FPGS: variants seen among roughly 807,000 people sequenced by gnomAD.
FPGS encodes folylpolyglutamate synthase, mitochondrial.
In FPGS, 53 loss-of-function variants were observed where a neutral mutation model predicts 66.5. That is an observed-to-expected ratio of 0.80 (90% CI 0.64 to 1.00). The LOEUF (loss-of-function observed/expected upper bound fraction) is 1.00. FPGS is among the 50% of genes least tolerant of loss of function. The probability of loss-of-function intolerance (pLI) is 0.00; values close to 1 mark genes in which losing one functional copy is unlikely to be tolerated. For missense variants in FPGS, 702 were observed against 807.7 expected (o/e 0.87, Z 1.59); for synonymous variants, 348 against 350.9 (o/e 0.99, Z 0.09).
At chr9:127,814,241 C>G, downstream of FPGS, 1 of 774,032 alleles carries the variant, frequency 1.3e-6, no homozygotes, top group African/African-American at 1.9e-5. Flanking sequence ...GAAGACCAGA[C>G]TGAAGCCTGT....
Position 127,807,872 on chromosome 9 carries a change from G to A in FPGS, c.744+184G>A, listed in dbSNP as rs1442559448. The stretch of plus-strand genomic sequence containing the variant: ...TGCAATCCCAGCATTTCAGGAGGTC[G>A]AGGTGAGAGGATCACCTGAGATCCG... On this transcript the variant is annotated intron_variant, in intron 8 of 14. Coordinates refer to ENST00000373247, the MANE Select transcript of FPGS (RefSeq NM_004957.6). This position sits in a 1 kb window ranked among gnomAD's most constrained non-coding sequence, Gnocchi z 5.8. 16 of 579,252 alleles carry A rather than the reference G, an allele frequency of 2.8e-5. No homozygotes were observed. Among genetic ancestry groups the A allele is most frequent in the Non-Finnish European group, 4.2e-5 (14 of 330,226 alleles). The allele number at this position is 579,252 out of a possible 1,614,324, so 35.9% of individuals were successfully genotyped here. A position where few individuals can be genotyped will look rare whatever the true frequency, so the allele number is the denominator to read the frequency against.
At chr9:127,808,389 G>A (rs921813967) in intron 9 of FPGS, 78 bp downstream of exon 9, 15 of 1,477,908 alleles carry the variant, frequency 1.0e-5, no homozygotes, top group Non-Finnish European at 1.4e-5. Flanking sequence ...ATCCTCTGGG[G>A]CCTCAGTTTG....
chr9:127,813,257 C>T lies in FPGS; in HGVS notation c.1417C>T (p.His473Tyr). 1 of 1,612,084 alleles carries T rather than the reference C, an allele frequency of 6.2e-7. No homozygotes were observed. Among genetic ancestry groups the T allele is most frequent in the East Asian group, 2.2e-5 (1 of 44,858 alleles). Residue 473 changes from histidine (H) to tyrosine (Y), a missense_variant, in exon 15 of 15, where the codon CAC becomes TAC. Physicochemically the swap from His to Tyr is moderately conservative, Grantham distance 83. Transcript: ENST00000373247. Reference protein sequence around the residue: ...VLLRCLEHQQHWNHLDEEQAS... With the variant: ...VLLRCLEHQQYWNHLDEEQAS... ...GCTCCGCTGCCTGGAACACCAGCAG[C>T]ACTGGAACCACCTGGACGAAGAGCA...
At position 127,808,717 on chromosome 9, in the gene FPGS, G is replaced by A; in HGVS notation, c.970+12G>A. Reference sequence around the variant, plus strand: ...GCAGGACCGCCATGGTGAGTGGGCAGCTGAGTGGGCAGGCAGGTGGGTGGC... The same window carrying A: ...GCAGGACCGCCATGGTGAGTGGGCAACTGAGTGGGCAGGCAGGTGGGTGGC... On this transcript the variant is annotated intron_variant, in intron 10 of 14. Coordinates refer to ENST00000373247, the MANE Select transcript of FPGS (RefSeq NM_004957.6). 6.3e-7 allele frequency: 1 copy of A among 1,575,776 alleles called. No individual in the cohort carries two copies. The highest frequency in any genetic ancestry group is 8.6e-7 in the Non-Finnish European group (1 of 1,160,702).
At chr9:127,803,218 G>C in intron 1 of FPGS, 156 bp downstream of exon 1, 2 of 1,230,460 alleles carry the variant, frequency 1.6e-6, no homozygotes, top group Non-Finnish European at 1.0e-6. Flanking sequence ...TGGGGGTGGG[G>C]ACAGGGACCA....
chr9:127,807,993 C>T lies in FPGS; in HGVS notation c.745-241C>T. On this transcript the variant is annotated intron_variant, in intron 8 of 14. Coordinates refer to ENST00000373247, the MANE Select transcript of FPGS (RefSeq NM_004957.6). The surrounding 1 kb of genome is among the most constrained non-coding windows in gnomAD (Gnocchi z 5.8). ...TGGTGGTGTACGCCTGTAGTTCCAG[C>T]TACTTGGGAGACTGAGGCAGGAGAA... The T allele has an allele frequency of 1.7e-6, 1 of 575,604 alleles. No individual in the cohort carries two copies. The highest frequency in any genetic ancestry group is 2.9e-5 in the East Asian group (1 of 34,544). The allele number at this position is 575,604 out of a possible 1,614,324, so 35.7% of individuals were successfully genotyped here. A position where few individuals can be genotyped will look rare whatever the true frequency, so the allele number is the denominator to read the frequency against.
chr9:127,813,820 C>T lies in FPGS; in HGVS notation c.*216C>T. 7.9e-7 allele frequency: 1 copy of T among 1,264,110 alleles called. No homozygotes were observed. Among genetic ancestry groups the T allele is most frequent in the Non-Finnish European group, 9.9e-7 (1 of 1,008,884 alleles). The allele number at this position is 1,264,110 out of a possible 1,614,324, so 78.3% of individuals were successfully genotyped here. On this transcript the variant is annotated 3_prime_UTR_variant, in exon 15 of 15. Coordinates refer to ENST00000373247, the MANE Select transcript of FPGS (RefSeq NM_004957.6). ...CTTGGCTGAGATAGCAGAGGGGCTC[C>T]CCGGGTCTCTCACTGTTGCAGTGGC...
Position 127,802,884 on chromosome 9 carries a change from C to T in FPGS, c.-41C>T, listed in dbSNP as rs1588547207. On this transcript the variant is annotated 5_prime_UTR_variant, in exon 1 of 15. Transcript: ENST00000373247. Reference sequence around the variant, plus strand: ...ATTGGCTGGGGGCGGGGCGGGGCGTCTCCCGCCCGGGCCTAGAGCGCTGCC... The same window carrying T: ...ATTGGCTGGGGGCGGGGCGGGGCGTTTCCCGCCCGGGCCTAGAGCGCTGCC... The T allele has an allele frequency of 4.6e-6, 6 of 1,290,748 alleles. No individual in the cohort carries two copies. The highest frequency in any genetic ancestry group is 5.9e-6 in the Non-Finnish European group (6 of 1,022,092). 80.0% of individuals were successfully genotyped at this position (1,290,748 alleles called of 1,614,324 possible).
intron 13 of FPGS, 96 bp downstream of exon 13, chr9:127,810,202 T>G: frequency 9.6e-7 from 1 of 1,038,600 alleles, no homozygotes; most frequent in Non-Finnish European, 1.5e-6. Flanking sequence ...CCCCTTGAGT[T>G]GTATTGAGGA....
At chr9:127,803,331 C>G (rs1172323320) in intron 1 of FPGS, 4 of 1,190,668 alleles carry the variant, frequency 3.4e-6, no homozygotes, top group Middle Eastern at 3.3e-4. Context: ...ATCCAGAAGC[C>G]CAGAGGCTCA....
intron 1 of FPGS, among the ~76,000 whole-genome samples, chr9:127,803,844 G>A (rs1007645630): frequency 2.6e-5 from 4 of 152,166 alleles, no homozygotes; most frequent in Admixed American, 1.3e-4. Flanking sequence ...TTGGAATGTG[G>A]AACCCCAGAG....
In FPGS at chr9:127,809,732, G is replaced by A. The variant is rs1158093027; in HGVS notation, c.1109G>A (p.Gly370Glu). ...WPGRTQVLRRGPLTWYLDGAH... is the reference protein window; with the variant it reads ...WPGRTQVLRREPLTWYLDGAH... ...GGCCGGACGCAGGTGCTGCGGCGCG[G>A]GCCCCTCACCTGGTACCTGGACGGT... Residue 370 changes from glycine (G) to glutamate (E), a missense_variant, in exon 12 of 15, where the codon GGG becomes GAG. By Grantham distance (98) the Gly-to-Glu change is moderately conservative. This residue lies in a region of FPGS where 351 missense variants were observed against 363.7 expected (regional missense o/e 0.97). Transcript: ENST00000373247. The A allele has an allele frequency of 6.3e-7, 1 of 1,587,846 alleles. No individual in the cohort carries two copies. Among genetic ancestry groups the A allele is most frequent in the African/African-American group, 1.4e-5 (1 of 73,408 alleles).
At chr9:127,805,301 T>G (rs1829764975) in intron 4 of FPGS, among the ~76,000 whole-genome samples, 1 of 152,026 alleles carries the variant, frequency 6.6e-6, no homozygotes, top group Non-Finnish European at 1.5e-5. Context: ...CCCAGCACTT[T>G]GGGCAGCTGA....
At position 127,803,072 on chromosome 9, in the gene FPGS, G is replaced by A; in HGVS notation, c.138+10G>A. ...GAGCATGGAGTACCAGGTATCAGGCGGGCCAGCGGGCCAGCGGGCCTGGGC... is the reference window on the plus strand; with the variant it reads ...GAGCATGGAGTACCAGGTATCAGGCAGGCCAGCGGGCCAGCGGGCCTGGGC... On this transcript the variant is annotated intron_variant, in intron 1 of 14. Transcript: ENST00000373247. The A allele has an allele frequency of 7.3e-7, 1 of 1,373,892 alleles. No individual in the cohort carries two copies. Among genetic ancestry groups the A allele is most frequent in the Non-Finnish European group, 9.3e-7 (1 of 1,069,798 alleles). 85.1% of individuals were successfully genotyped at this position (1,373,892 alleles called of 1,614,324 possible). A position where few individuals can be genotyped will look rare whatever the true frequency, so the allele number is the denominator to read the frequency against.
Position 127,807,187 on chromosome 9 carries a change from C to T in FPGS, c.502-22C>T. 1 of 1,613,908 alleles carries T rather than the reference C, an allele frequency of 6.2e-7. No homozygotes were observed. The highest frequency in any genetic ancestry group is 8.5e-7 in the Non-Finnish European group (1 of 1,179,894). On this transcript the variant is annotated intron_variant, in intron 5 of 14. Coordinates refer to ENST00000373247, the MANE Select transcript of FPGS (RefSeq NM_004957.6). This position sits in a 1 kb window ranked among gnomAD's most constrained non-coding sequence, Gnocchi z 5.8. ...GAAGGGGCTGCATGGGCTCTGGGCC[C>T]TGACATGTCCCTGTGCCACAGGATG...
Position 127,804,303 on chromosome 9 carries a change from A to G in FPGS, c.157A>G (p.Asn53Asp). The G allele has an allele frequency of 6.2e-7, 1 of 1,614,170 alleles. No individual in the cohort carries two copies. Residue 53 changes from asparagine to aspartate, a missense_variant, in exon 2 of 15, where the codon AAT (asparagine) becomes GAT (aspartate). Physicochemically the swap from Asn to Asp is conservative, Grantham distance 23 (BLOSUM62 1). Around this residue, in one of 3 missense-constraint regions of FPGS, gnomAD observed 111 missense variants for 95.4 expected, o/e 1.16. Coordinates refer to ENST00000373247, the MANE Select transcript of FPGS (RefSeq NM_004957.6). Reference protein sequence around the residue: ...MEYQDAVRMLNTLQTNAGYLE... With the variant: ...MEYQDAVRMLDTLQTNAGYLE... The stretch of plus-strand genomic sequence containing the variant: ...TTGCCAGGATGCCGTGCGCATGCTC[A>G]ATACCCTGCAGACCAATGCCGGCTA...
intron 11 of FPGS, 68 bp downstream of exon 11, chr9:127,808,957 T>G (rs1824732157): frequency 1.5e-6 from 2 of 1,307,062 alleles, no homozygotes; most frequent in African/African-American, 1.5e-5. Context: ...TTTTTTTTTT[T>G]TTTTTTTTTG....
Position 127,810,808 on chromosome 9 carries a change from C to T in FPGS, c.1288-137C>T, listed in dbSNP as rs1317741632. The T allele has an allele frequency of 1.6e-5, 9 of 549,154 alleles. No individual in the cohort carries two copies. In the East Asian group the frequency reaches 2.7e-4, roughly 17 times the overall value. 34.0% of individuals were successfully genotyped at this position (549,154 alleles called of 1,614,324 possible). On this transcript the variant is annotated intron_variant, in intron 13 of 14. Transcript: ENST00000373247. ...AGATGGGGGCAGGGTGCTGAAGTAC[C>T]TTGGCTAGGTTTATACAGCATCATT...
chr9:127,809,370 G>C (rs925627460), intron 11 of FPGS, among the ~76,000 whole-genome samples: 11 of 152,190 alleles, frequency 7.2e-5, no homozygotes, highest in African/African-American at 2.4e-4. Flanking sequence ...TGCCACGCCT[G>C]TTATCAAGGG....
Sources: gnomAD v4.1 joint callset for allele counts (sites outside exome capture counted in the v4.1 genomes callset) on GRCh38, gnomAD v4.1.1 for gene constraint, gnomAD v4.1.1 regional missense constraint, Gnocchi (gnomAD v3.1) non-coding constraint, MANE v1.5 for transcripts, NCBI Gene and HGNC (gene_info 2026-07-23, HGNC 2026-07-21) for gene names.